The following PCDHA3 variants were observed in gnomAD, a reference collection of about 807,000 sequenced individuals.
PCDHA3 encodes protocadherin alpha 3, also known as protocadherin alpha-3.
A neutral mutation model predicts 62.2 loss-of-function variants in PCDHA3; 41 were observed. The ratio of observed to expected loss-of-function variants is 0.66; its 90% CI spans 0.51 to 0.86. The LOEUF (loss-of-function observed/expected upper bound fraction) is 0.86, where lower values mean the gene tolerates loss of function less well. PCDHA3 is among the 40% of genes least tolerant of loss of function. The probability of loss-of-function intolerance (pLI) is 0.00; values close to 1 mark genes in which losing one functional copy is unlikely to be tolerated. For missense variants in PCDHA3, 1,304 were observed against 1,241.2 expected (o/e 1.05, Z -0.76); for synonymous variants, 640 against 555.4 (o/e 1.15, Z -2.14).
intron 1 of PCDHA3, among the ~76,000 whole-genome samples, chr5:140,924,894 C>CAAAAAAA (rs782133089): frequency 2.8e-5 from 2 of 71,470 alleles, no homozygotes; most frequent in African/African-American, 8.5e-5. Flanking sequence ...GAACCTGTCT[C>CAAAAAAA]AAAAAAAAAA....
chr5:140,931,626 A>G (rs1048704969), intron 1 of PCDHA3, among the ~76,000 whole-genome samples: 1 of 152,052 alleles, frequency 6.6e-6, no homozygotes, highest in Non-Finnish European at 1.5e-5. Flanking sequence ...CTTTTTAGGT[A>G]GCTCATTGGT....
intron 1 of PCDHA3, chr5:140,882,793 C>T (rs1176435531): frequency 1.9e-6 from 3 of 1,614,210 alleles, no homozygotes; most frequent in Non-Finnish European, 2.5e-6. Context: ...TGGATCCCAA[C>T]GATTATTTCA....
intron 1 of PCDHA3, among the ~76,000 whole-genome samples, chr5:140,890,386 A>G (rs905205351): frequency 6.6e-6 from 1 of 152,202 alleles, no homozygotes; most frequent in Admixed American, 6.5e-5. Flanking sequence ...TCTTTCTTAG[A>G]TAATCTATAA....
chr5:140,868,771 A>G lies in PCDHA3; in HGVS notation c.2394+65180A>G, dbSNP rs986240016. 2.7e-4 allele frequency: 70 copies of G among 257,218 alleles called. No individual in the cohort carries two copies. In the Middle Eastern group the frequency reaches 5.2e-3, roughly 19 times the overall value. The allele number at this position is 257,218 out of a possible 1,614,324, so 15.9% of individuals were successfully genotyped here. ...ATTTCCATATATATTTAGTTTCAAT[A>G]TGACTTATAATCTGAATATTCCATA... is the stretch of plus-strand genomic sequence containing the variant. On this transcript the variant is annotated intron_variant, in intron 1 of 3. Coordinates refer to ENST00000522353, the MANE Select transcript of PCDHA3 (RefSeq NM_018906.3).
At chr5:140,966,488 C>A (rs1161799910) in intron 1 of PCDHA3, 8 of 440,132 alleles carry the variant, frequency 1.8e-5, no homozygotes, top group Admixed American at 8.7e-5. Flanking sequence ...TTTCCCTCCC[C>A]CTGGAGCTGT....
chr5:140,987,138 C>T (rs2097231368), intron 3 of PCDHA3, among the ~76,000 whole-genome samples: 1 of 151,182 alleles, frequency 6.6e-6, no homozygotes, highest in Non-Finnish European at 1.5e-5. Context: ...TGCTTGAACT[C>T]GGGAGGTGGA....
chr5:140,858,350 A>C (rs1160044351), intron 1 of PCDHA3: 1 of 1,594,392 alleles, frequency 6.3e-7, no homozygotes, highest in East Asian at 2.2e-5. Context: ...GGCGGACCTC[A>C]TGGCCTTCAG....
At chr5:140,829,920 A>G in intron 1 of PCDHA3, 2 of 1,613,998 alleles carry the variant, frequency 1.2e-6, no homozygotes, top group Non-Finnish European at 1.7e-6. Context: ...CTTTCGTATG[A>G]GCTGCAGCCC....
intron 1 of PCDHA3, among the ~76,000 whole-genome samples, chr5:140,916,805 A>G (rs560427769): frequency 6.6e-6 from 1 of 152,152 alleles, no homozygotes; most frequent in Non-Finnish European, 1.5e-5. Context: ...ATGACTTCCT[A>G]GGTCATGTGC....
chr5:140,971,451 T>C (rs1442240847), intron 1 of PCDHA3, among the ~76,000 whole-genome samples: 2 of 152,110 alleles, frequency 1.3e-5, no homozygotes, highest in East Asian at 1.9e-4. Flanking sequence ...GCTCCAGAAA[T>C]TTTTGCAGTT....
chr5:140,931,414 T>C (rs2087515742), intron 1 of PCDHA3, among the ~76,000 whole-genome samples: 1 of 151,886 alleles, frequency 6.6e-6, no homozygotes, highest in Non-Finnish European at 1.5e-5. Context: ...GGCTGATGAA[T>C]CTAGAAGTTA....
intron 1 of PCDHA3, chr5:140,815,097 C>T (rs1765652812): frequency 6.6e-6 from 1 of 152,072 alleles, no homozygotes; most frequent in African/African-American, 2.4e-5. Context: ...AAGCAAATCT[C>T]TTGTAGTTAG....
chr5:140,871,649 G>A (rs781859029), intron 1 of PCDHA3: 23 of 1,265,706 alleles, frequency 1.8e-5, no homozygotes, highest in Admixed American at 8.7e-5. Flanking sequence ...AATACCAAAT[G>A]ATACACATCT....
At chr5:140,841,786 G>C in intron 1 of PCDHA3, 1 of 1,613,902 alleles carries the variant, frequency 6.2e-7, no homozygotes, top group Non-Finnish European at 8.5e-7. Context: ...TTCCGCTAGA[G>C]GGCGCGTCCG....
Position 140,829,198 on chromosome 5 carries a change from C to A in PCDHA3, c.2394+25607C>A, listed in dbSNP as rs2150163699. On this transcript the variant is annotated intron_variant, in intron 1 of 3. Transcript: ENST00000522353. ...AAGACGCTCAATTTGGTACTGTCATCGCCCTAATTAGCGTGAACGACCTCG... is the reference window on the plus strand; with the variant it reads ...AAGACGCTCAATTTGGTACTGTCATAGCCCTAATTAGCGTGAACGACCTCG... The A allele has an allele frequency of 1.6e-5, 26 of 1,614,214 alleles. No individual in the cohort carries two copies. In the Admixed American group the frequency reaches 2.2e-4, roughly 13 times the overall value.
At chr5:140,945,935 G>T (rs2093863887) in intron 1 of PCDHA3, among the ~76,000 whole-genome samples, 1 of 151,964 alleles carries the variant, frequency 6.6e-6, no homozygotes, top group Admixed American at 6.6e-5. Flanking sequence ...GAGCAATGAT[G>T]TTTTTTATAT....
chr5:140,822,242 C>T (rs1393571238), intron 1 of PCDHA3: 2 of 1,614,038 alleles, frequency 1.2e-6, no homozygotes, highest in Non-Finnish European at 1.7e-6. Context: ...CTAGAGGGCG[C>T]GTCGGATTTG....
At chr5:140,909,344 C>T (rs900022411) in intron 1 of PCDHA3, among the ~76,000 whole-genome samples, 1 of 152,164 alleles carries the variant, frequency 6.6e-6, no homozygotes, top group Non-Finnish European at 1.5e-5. Context: ...TACCAGGTAC[C>T]AAGAGATGTG....
intron 1 of PCDHA3, chr5:140,829,441 C>T (rs1554131960): frequency 6.2e-7 from 1 of 1,613,912 alleles, no homozygotes; most frequent in Non-Finnish European, 8.5e-7. Context: ...ACATGAATGA[C>T]AATGCTCCGG....
Sources: gnomAD v4.1 joint callset for allele counts (sites outside exome capture counted in the v4.1 genomes callset) on GRCh38, gnomAD v4.1.1 for gene constraint, MANE v1.5 for transcripts, NCBI Gene and HGNC (gene_info 2026-07-23, HGNC 2026-07-21) for gene names.